GALNTL6: variants seen among roughly 807,000 people sequenced by gnomAD.
GALNTL6 encodes the protein polypeptide N-acetylgalactosaminyltransferase-like 6.
A neutral mutation model predicts 73.7 loss-of-function variants in GALNTL6; 46 were observed. The ratio of observed to expected loss-of-function variants is 0.62; its 90% confidence interval spans 0.49 to 0.80. GALNTL6 has a LOEUF of 0.80. Among genes scored for constraint, GALNTL6 ranks in the 30% least tolerant of loss-of-function variants. GALNTL6 has a pLI of 0.00. For synonymous variants in GALNTL6, 259 were observed against 263.7 expected, an observed-to-expected ratio of 0.98 and a Z score of 0.17; for missense variants, 604 against 755.0, an observed-to-expected ratio of 0.80 and a Z score of 2.34.
intron 5 of GALNTL6, among the ~76,000 whole-genome samples, chr4:172,663,946 A>AAGAT (rs1208798213): frequency 6.6e-6 from 1 of 151,196 alleles, no homozygotes; most frequent in Non-Finnish European, 1.5e-5. Context: ...AAAAAAAAGA[A>AAGAT]AGAAAGATGA....
chr4:172,959,744 T>C (rs957911536), intron 10 of GALNTL6, among the ~76,000 whole-genome samples: 2 of 152,096 alleles, frequency 1.3e-5, no homozygotes, highest in Non-Finnish European at 2.9e-5. Context: ...CGATTTTCAG[T>C]GGGGTCCTGC....
intron 5 of GALNTL6, among the ~76,000 whole-genome samples, chr4:172,494,753 A>T (rs1734014911): frequency 1.3e-5 from 2 of 152,152 alleles, no homozygotes; most frequent in African/African-American, 4.8e-5. Flanking sequence ...CCAGCATGGG[A>T]GAAAGATGAA....
At chr4:172,720,338 G>A (rs1333267434) in intron 5 of GALNTL6, among the ~76,000 whole-genome samples, 1 of 152,078 alleles carries the variant, frequency 6.6e-6, no homozygotes, top group Non-Finnish European at 1.5e-5. Context: ...AGAGTCCCCT[G>A]CTAGAGTGCT....
intron 5 of GALNTL6, among the ~76,000 whole-genome samples, chr4:172,427,698 C>A (rs1238451122): frequency 1.3e-5 from 2 of 152,068 alleles, no homozygotes; most frequent in African/African-American, 4.8e-5. Flanking sequence ...GTTAAAGTCC[C>A]AGAATGAACT....
chr4:172,828,545 A>G (rs1386512833), intron 7 of GALNTL6, among the ~76,000 whole-genome samples: 3 of 152,146 alleles, frequency 2.0e-5, no homozygotes, highest in African/African-American at 4.8e-5. Context: ...TCTGATCACC[A>G]TCATGTGTTA....
In GALNTL6 at chr4:172,404,209, G is replaced by GTATTT. The variant is rs1319846303; in HGVS notation, c.553+55522_553+55526dup. ...ATGCCTATAGTTAACTGAATGTCTT[G>GTATTT]TATTTTTATTTGCCACATCAGGCAA... On this transcript the variant is annotated intron_variant, in intron 5 of 12. Coordinates refer to ENST00000506823, the MANE Select transcript of GALNTL6 (RefSeq NM_001034845.3). Among the ~76,000 whole-genome samples, 6 of 151,848 alleles carry GTATTT rather than the reference G, an allele frequency of 4.0e-5. No individual in the cohort carries two copies. The East Asian group carries it at 1.2e-3, about 29-fold the overall frequency.
intron 2 of GALNTL6, among the ~76,000 whole-genome samples, chr4:171,989,833 G>A (rs1262174520): frequency 2.0e-5 from 3 of 152,216 alleles, no homozygotes; most frequent in African/African-American, 7.2e-5. Context: ...CAGGGTTGCT[G>A]CCGAACGAGC....
rs1240915369 is a variant in GALNTL6 at position 172,318,066 on chromosome 4, A to T, written c.386+6314A>T. On this transcript the variant is annotated intron_variant, in intron 4 of 12. Coordinates refer to ENST00000506823, the MANE Select transcript of GALNTL6 (RefSeq NM_001034845.3). ...TAAATGATAAGCAGGAGATTGAAAG[A>T]AGGAATAGCTAGAATCAGGTAGAAG... Among the ~76,000 whole-genome samples, 3 of 152,204 alleles carry T rather than the reference A, an allele frequency of 2.0e-5. No homozygotes were observed. In the East Asian group the frequency reaches 5.8e-4, roughly 29 times the overall value.
At chr4:172,496,281 C>T (rs534851193) in intron 5 of GALNTL6, among the ~76,000 whole-genome samples, 1 of 152,286 alleles carries the variant, frequency 6.6e-6, no homozygotes, top group South Asian at 2.1e-4. Context: ...GAATGTACTA[C>T]AAGAGTACCA....
intron 4 of GALNTL6, among the ~76,000 whole-genome samples, chr4:172,318,044 A>G (rs1740625839): frequency 6.6e-6 from 1 of 152,222 alleles, no homozygotes; most frequent in Non-Finnish European, 1.5e-5. Context: ...AAGCAATTAA[A>G]TGATAAGCAG....
chr4:171,998,973 G>A (rs915955432), intron 2 of GALNTL6, among the ~76,000 whole-genome samples: 39 of 152,126 alleles, frequency 2.6e-4, no homozygotes, highest in African/African-American at 8.9e-4. Flanking sequence ...ATACCCTCAA[G>A]TAATGTCCAG....
intron 5 of GALNTL6, among the ~76,000 whole-genome samples, chr4:172,779,674 T>A (rs746125804): frequency 6.6e-6 from 1 of 152,216 alleles, no homozygotes; most frequent in Admixed American, 6.5e-5. Context: ...GACAGACTCA[T>A]AGTCAGTAAT....
At chr4:172,165,468 G>T (rs1734593317) in intron 2 of GALNTL6, among the ~76,000 whole-genome samples, 1 of 152,116 alleles carries the variant, frequency 6.6e-6, no homozygotes, top group South Asian at 2.1e-4. Context: ...CAGTGTCTTT[G>T]GGAGAGAAAC....
At chr4:172,823,866 C>T (rs1449814602) in intron 7 of GALNTL6, among the ~76,000 whole-genome samples, 1 of 152,010 alleles carries the variant, frequency 6.6e-6, no homozygotes, top group Non-Finnish European at 1.5e-5. Flanking sequence ...AACAAGGGGG[C>T]CAGGAGATGA....
intron 2 of GALNTL6, among the ~76,000 whole-genome samples, chr4:171,950,389 T>A (rs1317403820): frequency 6.6e-6 from 1 of 151,560 alleles, no homozygotes; most frequent in Non-Finnish European, 1.5e-5. Context: ...ATCAACCTTA[T>A]AAATCAACAA....
chr4:172,444,117 G>GTATATAGATCAGTATATAGATC (rs1162065948), intron 5 of GALNTL6, among the ~76,000 whole-genome samples: 27 of 152,312 alleles, frequency 1.8e-4, no homozygotes, highest in Admixed American at 5.9e-4. Flanking sequence ...GATTAGTCTG[G>GTATATAGATCAGTATATAGATC]AGTATATAAA....
intron 2 of GALNTL6, among the ~76,000 whole-genome samples, chr4:171,988,485 T>C (rs1579036346): frequency 6.6e-6 from 1 of 151,890 alleles, no homozygotes; most frequent in African/African-American, 2.4e-5. Context: ...GGATGAAGGG[T>C]GCAAAGGAAT....
intron 5 of GALNTL6, among the ~76,000 whole-genome samples, chr4:172,669,532 A>G (rs1212553901): frequency 6.6e-6 from 1 of 152,170 alleles, no homozygotes; most frequent in Non-Finnish European, 1.5e-5. Context: ...TGATTTTGCC[A>G]CTTTGTCAGT....
intron 9 of GALNTL6, among the ~76,000 whole-genome samples, chr4:172,932,393 T>G (rs1036394007): frequency 6.6e-6 from 1 of 152,212 alleles, no homozygotes; most frequent in African/African-American, 2.4e-5. Flanking sequence ...ATAACAAAAT[T>G]TTCTTTTACA....
Sources: gnomAD v4.1 joint callset for allele counts (sites outside exome capture counted in the v4.1 genomes callset) on GRCh38, gnomAD v4.1.1 for gene constraint, MANE v1.5 for transcripts, NCBI Gene and HGNC (gene_info 2026-07-23, HGNC 2026-07-21) for gene names.